The following TINAG variants were observed in gnomAD, a reference collection of about 807,000 sequenced individuals.
TINAG encodes tubulointerstitial nephritis antigen.
A neutral mutation model predicts 72.7 loss-of-function variants in TINAG; 83 were observed. The ratio of observed to expected loss-of-function variants is 1.14; its 90% CI spans 0.96 to 1.37. The LOEUF is 1.37. TINAG is among the 40% of genes most tolerant of loss of function. The pLI, the probability that TINAG is intolerant of heterozygous loss-of-function variation, is 0.00. For missense variants in TINAG, 685 were observed against 576.6 expected (o/e 1.19, Z -1.93); for synonymous variants, 234 against 189.9 (o/e 1.23, Z -1.91).
intron 9 of TINAG, among the ~76,000 whole-genome samples, chr6:54,357,071 A>G (rs1009450374): frequency 3.3e-5 from 5 of 151,758 alleles, no homozygotes; most frequent in African/African-American, 1.2e-4. Context: ...TGTTTTCATT[A>G]CTCCCGTCCT....
intron 1 of TINAG, among the ~76,000 whole-genome samples, chr6:54,312,093 G>A (rs1784272366): frequency 6.6e-6 from 1 of 151,214 alleles, no homozygotes; most frequent in Non-Finnish European, 1.5e-5. Context: ...GTCTTGCTCT[G>A]TCACCCAGGC....
chr6:54,330,988 C>G (rs542584271), intron 4 of TINAG, among the ~76,000 whole-genome samples: 9 of 152,206 alleles, frequency 5.9e-5, no homozygotes, highest in Admixed American at 4.6e-4. Flanking sequence ...CCAAAAAAGT[C>G]TAGGACCAGA....
At chr6:54,347,684 C>A (rs1489162144) in intron 6 of TINAG, among the ~76,000 whole-genome samples, 167 bp downstream of exon 6, 2 of 151,952 alleles carry the variant, frequency 1.3e-5, no homozygotes, top group East Asian at 1.9e-4. Context: ...TATTTCTTAT[C>A]TATTGGGATT....
intron 1 of TINAG, among the ~76,000 whole-genome samples, chr6:54,313,568 G>A (rs1784307337): frequency 6.6e-6 from 1 of 152,028 alleles, no homozygotes; most frequent in Non-Finnish European, 1.5e-5. Context: ...ATTCTATGTT[G>A]TTTAATAGAA....
At chr6:54,382,505 AATATGAAACTTTAAGT>A (rs1763981731) in intron 10 of TINAG, among the ~76,000 whole-genome samples, 1 of 152,110 alleles carries the variant, frequency 6.6e-6, no homozygotes, top group Admixed American at 6.6e-5. Context: ...GTTTAATTAA[AATATGAAACTTTAAGT>A]ACTGTTGTAC....
Position 54,354,596 on chromosome 6 carries a change from A to T in TINAG, c.1210A>T (p.Lys404Ter). The change falls in exon 9 of 11, where the codon AAA becomes TAA. Residue 404 changes from lysine (K) to a stop codon, truncating the protein, a stop_gained. Transcript: ENST00000259782. LOFTEE classifies it high-confidence loss of function. ...TACCAGCACAAATAAAGAATCAGAAAAATATCGAAAGCTTCAGACACATGC... is the reference window on the plus strand; with the variant it reads ...TACCAGCACAAATAAAGAATCAGAATAATATCGAAAGCTTCAGACACATGC... ...HVTSTNKESE[K>*]YRKLQTHAVK... 6.2e-7 allele frequency: 1 copy of T among 1,611,148 alleles called. No individual in the cohort carries two copies. The highest frequency in any genetic ancestry group is 8.5e-7 in the Non-Finnish European group (1 of 1,178,346).
intron 4 of TINAG, among the ~76,000 whole-genome samples, chr6:54,336,479 C>A (rs1386762999): frequency 6.6e-6 from 1 of 152,062 alleles, no homozygotes; most frequent in Admixed American, 6.6e-5. Context: ...CAAATCAAAT[C>A]AACTTTGTAC....
chr6:54,351,609 C>T (rs917991538), intron 8 of TINAG, among the ~76,000 whole-genome samples: 1 of 151,870 alleles, frequency 6.6e-6, no homozygotes, highest in African/African-American at 2.4e-5. Context: ...AAGATAGACT[C>T]ATTTATAAAT....
intron 1 of TINAG, among the ~76,000 whole-genome samples, chr6:54,310,076 C>CATGTGTGT (rs1554200972): frequency 1.6e-5 from 2 of 127,650 alleles, no homozygotes; most frequent in East Asian, 2.3e-4. Flanking sequence ...CTTTTTTTTC[C>CATGTGTGT]GTGTGTGTGT....
Position 54,329,821 on chromosome 6 carries a change from T to C in TINAG, c.624+2905T>C, listed in dbSNP as rs1339082319. On this transcript the variant is annotated intron_variant, in intron 4 of 10. Transcript: ENST00000259782. ...AAAGAAAAAAAAGCAGGGGTTGCAA[T>C]CCTGATCTCTAATAAAGCAGAATTT... Among the ~76,000 whole-genome samples, 3 of 151,860 alleles carry C rather than the reference T, an allele frequency of 2.0e-5. No homozygotes were observed. The East Asian group carries it at 5.8e-4, about 29-fold the overall frequency.
chr6:54,375,982 A>G (rs549121580), intron 9 of TINAG, among the ~76,000 whole-genome samples: 2 of 152,084 alleles, frequency 1.3e-5, no homozygotes, highest in Non-Finnish European at 2.9e-5. Flanking sequence ...GCCTAACTTC[A>G]TTCTCCACCA....
At position 54,349,677 on chromosome 6, in the gene TINAG, C is replaced by T. The variant is rs532885096; in HGVS notation, c.900-39C>T. 832 of 1,478,978 alleles carry T rather than the reference C, an allele frequency of 5.6e-4. 13 individuals carry two copies. In the South Asian group the frequency reaches 0.011, roughly 19 times the overall value. The allele number at this position is 1,478,978 out of a possible 1,614,324, so 91.6% of individuals were successfully genotyped here. The stretch of plus-strand genomic sequence containing the variant: ...TATAAAAAGGATATTACGACATTCT[C>T]CTAAATATTACCTTTGCTTCTTTGC... On this transcript the variant is annotated intron_variant, in intron 6 of 10. Coordinates refer to ENST00000259782, the MANE Select transcript of TINAG (RefSeq NM_014464.4).
At chr6:54,371,134 G>GTGTA (rs1334140090) in intron 9 of TINAG, among the ~76,000 whole-genome samples, 1 of 150,694 alleles carries the variant, frequency 6.6e-6, no homozygotes, top group Non-Finnish European at 1.5e-5. Flanking sequence ...GTGTGTGTGT[G>GTGTA]TGTGTCAGAG....
chr6:54,350,130 A>C (rs146939043), intron 7 of TINAG, among the ~76,000 whole-genome samples: 2,304 of 152,176 alleles, frequency 0.015, 60 homozygotes, highest in African/African-American at 0.051. Context: ...CCAAGGAAAT[A>C]GGGTTTTAAA....
Position 54,343,333 on chromosome 6 carries a change from G to T in TINAG, c.732G>T (p.Trp244Cys). ...PLDQKNCAASWAFSTASVAAD... is the reference protein window; with the variant it reads ...PLDQKNCAASCAFSTASVAAD... ...ATCAAAAAAATTGTGCTGCATCCTG[G>T]GCATTTTCCACTGCAAGTAATAAAG... Residue 244 changes from tryptophan (W) to cysteine (C), a missense_variant, in exon 5 of 11, where the codon TGG (tryptophan) becomes TGT (cysteine). Physicochemically the swap from Trp to Cys is radical, Grantham distance 215. Coordinates refer to ENST00000259782, the MANE Select transcript of TINAG (RefSeq NM_014464.4). 1 of 1,547,906 alleles carries T rather than the reference G, an allele frequency of 6.5e-7. No individual in the cohort carries two copies. The highest frequency in any genetic ancestry group is 8.7e-7 in the Non-Finnish European group (1 of 1,144,384).
intron 9 of TINAG, among the ~76,000 whole-genome samples, chr6:54,379,789 T>G (rs1200457141): frequency 6.6e-6 from 1 of 152,106 alleles, no homozygotes. Flanking sequence ...TTCTTTTTTT[T>G]TAATATTATA....
intron 6 of TINAG, among the ~76,000 whole-genome samples, chr6:54,347,887 G>T (rs1399648670): frequency 6.6e-6 from 1 of 152,012 alleles, no homozygotes; most frequent in African/African-American, 2.4e-5. Context: ...TTGATGAACA[G>T]ATAATGTCAG....
intron 9 of TINAG, among the ~76,000 whole-genome samples, chr6:54,375,746 G>A (rs1465938399): frequency 6.6e-6 from 1 of 152,102 alleles, no homozygotes; most frequent in African/African-American, 2.4e-5. Flanking sequence ...GTTACTTTAT[G>A]GGTCTTACAT....
In TINAG at chr6:54,389,839, A is replaced by G; in HGVS notation, c.1345A>G (p.Arg449Gly). ...GKSWGENGYF[R>G]ILRGVNESDI... is the part of the protein sequence containing the mutation. ...GTCATGGGGAGAGAATGGCTATTTCAGGATTCTTCGAGGAGTAAATGAGTC... is the reference window on the plus strand; with the variant it reads ...GTCATGGGGAGAGAATGGCTATTTCGGGATTCTTCGAGGAGTAAATGAGTC... The change falls in exon 11 of 11, where the codon AGG becomes GGG. Residue 449 changes from arginine (R) to glycine (G), a missense_variant. By Grantham distance (125) the Arg-to-Gly change is moderately radical. Coordinates refer to ENST00000259782, the MANE Select transcript of TINAG (RefSeq NM_014464.4). 2 of 1,608,886 alleles carry G rather than the reference A, an allele frequency of 1.2e-6. No individual in the cohort carries two copies. The highest frequency in any genetic ancestry group is 1.7e-6 in the Non-Finnish European group (2 of 1,178,066).
Sources: allele counts gnomAD v4.1 joint callset (sites outside exome capture counted in the v4.1 genomes callset), GRCh38; gene constraint gnomAD v4.1.1; transcripts MANE v1.5; gene names NCBI Gene and HGNC (gene_info 2026-07-23, HGNC 2026-07-21).